The following KLHL20 variants were observed in gnomAD, a reference collection of about 807,000 sequenced individuals.
KLHL20 encodes the protein kelch-like protein 20.
A neutral mutation model predicts 69.5 loss-of-function variants in KLHL20; 29 were observed. The observed-to-expected ratio is 0.42, with a 90% CI of 0.31 to 0.57. The LOEUF (loss-of-function observed/expected upper bound fraction) is 0.57. Ranked by LOEUF, KLHL20 falls within the 20% of genes least tolerant of loss-of-function variation. The pLI is 0.18. For missense variants in KLHL20, 419 were observed against 776.0 expected (o/e 0.54, Z 5.47); for synonymous variants, 253 against 265.2 (o/e 0.95, Z 0.45).
At chr1:173,752,011 G>C in intron 4 of KLHL20, 89 bp downstream of exon 4, 4 of 1,238,664 alleles carry the variant, frequency 3.2e-6, no homozygotes, top group Non-Finnish European at 4.6e-6. Flanking sequence ...GCCAAGGCAG[G>C]TGGATCACAA....
chr1:173,768,020 T>C (rs1349755883), intron 8 of KLHL20, among the ~76,000 whole-genome samples: 1 of 152,224 alleles, frequency 6.6e-6, no homozygotes, highest in East Asian at 1.9e-4. Flanking sequence ...TCTATATATA[T>C]CAAGCATACC....
chr1:173,730,283 G>C (rs1025106381), intron 2 of KLHL20, among the ~76,000 whole-genome samples: 2 of 152,022 alleles, frequency 1.3e-5, no homozygotes, highest in Non-Finnish European at 2.9e-5. Context: ...TCATGAAAAT[G>C]GCCATACTGC....
rs572966413 is a variant in KLHL20 at position 173,781,764 on chromosome 1, G to T, written c.1639-360G>T. 1.1e-4 allele frequency: 20 copies of T among 175,646 alleles called. No homozygotes were observed. The South Asian group carries it at 2.4e-3, about 21-fold the overall frequency. The allele number at this position is 175,646 out of a possible 1,614,324, so 10.9% of individuals were successfully genotyped here. A position where few individuals can be genotyped will look rare whatever the true frequency, so the allele number is the denominator to read the frequency against. On this transcript the variant is annotated intron_variant, in intron 10 of 11. Coordinates refer to ENST00000209884, the MANE Select transcript of KLHL20 (RefSeq NM_014458.4). ...ATTACAGGCATGAGGTACCATGCCT[G>T]GCCTAGATTTGTATTTTTAAAAGAG...
At chr1:173,722,251 A>C (rs1423242685) in intron 2 of KLHL20, among the ~76,000 whole-genome samples, 2 of 152,028 alleles carry the variant, frequency 1.3e-5, no homozygotes, top group Non-Finnish European at 2.9e-5. Flanking sequence ...ATGCCCAGCT[A>C]GCTTTTACAT....
At chr1:173,767,181 T>C (rs145085615) in intron 8 of KLHL20, among the ~76,000 whole-genome samples, 55 of 152,342 alleles carry the variant, frequency 3.6e-4, no homozygotes, top group Middle Eastern at 6.8e-3. Context: ...CTTGTTTCAC[T>C]TAATGTCCTC....
chr1:173,750,398 C>G (rs1032523634), intron 3 of KLHL20, among the ~76,000 whole-genome samples: 1 of 152,060 alleles, frequency 6.6e-6, no homozygotes, highest in Non-Finnish European at 1.5e-5. Context: ...CAGCCTTGAC[C>G]TCCTGGGCTC....
rs181895804 is a variant in KLHL20, at chr1:173,774,144, T to G, written c.1296-161T>G. Among the ~76,000 whole-genome samples the G allele has an allele frequency of 3.1e-3, 468 of 152,364 alleles. 1 individual carries two copies. The highest frequency in any genetic ancestry group is 5.1e-3 in the Non-Finnish European group (344 of 68,028). Reference sequence around the variant, plus strand: ...TAATAGCTGGCACAGATATAAATTCTAAGACGTTTTTCTAATGACTAAGTA... The same window carrying G: ...TAATAGCTGGCACAGATATAAATTCGAAGACGTTTTTCTAATGACTAAGTA... On this transcript the variant is annotated intron_variant, in intron 8 of 11. Transcript: ENST00000209884.
intron 2 of KLHL20, among the ~76,000 whole-genome samples, chr1:173,727,878 A>G (rs1260655211): frequency 6.6e-6 from 1 of 152,214 alleles, no homozygotes; most frequent in Non-Finnish European, 1.5e-5. Context: ...TCATAATGAC[A>G]GGATCAAATC....
At chr1:173,770,031 C>G (rs1002165846) in intron 8 of KLHL20, among the ~76,000 whole-genome samples, 4 of 151,950 alleles carry the variant, frequency 2.6e-5, no homozygotes, top group Non-Finnish European at 5.9e-5. Flanking sequence ...TCTAAAAGTT[C>G]AGGAAAACTC....
intron 11 of KLHL20, among the ~76,000 whole-genome samples, chr1:173,783,665 C>T (rs972979062): frequency 1.2e-4 from 18 of 151,960 alleles, no homozygotes; most frequent in African/African-American, 2.9e-4. Context: ...GTCAGGAGTT[C>T]GAGACCAGCC....
chr1:173,762,766 ACAT>A (rs1164039775), intron 7 of KLHL20, among the ~76,000 whole-genome samples: 1 of 152,136 alleles, frequency 6.6e-6, no homozygotes, highest in Non-Finnish European at 1.5e-5. Flanking sequence ...CCCACAGCCA[ACAT>A]ACTGAATGGG....
chr1:173,744,446 A>C (rs1168239993), intron 3 of KLHL20, among the ~76,000 whole-genome samples: 2 of 151,946 alleles, frequency 1.3e-5, no homozygotes, highest in Non-Finnish European at 2.9e-5. Flanking sequence ...TTGTCTTTCA[A>C]GTTTGCTTAT....
chr1:173,774,556 AT>A, intron 9 of KLHL20, 118 bp downstream of exon 9: 1 of 1,135,158 alleles, frequency 8.8e-7, no homozygotes. Flanking sequence ...AAAATGCCTG[AT>A]TTTTCCCTCC....
intron 2 of KLHL20, among the ~76,000 whole-genome samples, chr1:173,726,821 A>C (rs1281378725): frequency 6.6e-6 from 1 of 152,218 alleles, no homozygotes; most frequent in African/African-American, 2.4e-5. Context: ...GAAAACTGAA[A>C]ATTCTAAAAA....
intron 2 of KLHL20, among the ~76,000 whole-genome samples, chr1:173,728,948 TTGAAAA>T (rs1464724945): frequency 1.3e-5 from 2 of 152,124 alleles, no homozygotes; most frequent in African/African-American, 4.8e-5. Flanking sequence ...AGCTGGTTTT[TTGAAAA>T]GATCAACAAA....
chr1:173,757,017 C>G lies in KLHL20; in HGVS notation c.1009C>G (p.Arg337Gly). 6.2e-7 allele frequency: 1 copy of G among 1,614,042 alleles called. No individual in the cohort carries two copies. Among genetic ancestry groups the G allele is most frequent in the Non-Finnish European group, 8.5e-7 (1 of 1,179,980 alleles). The change falls in exon 7 of 12, where the codon CGA (arginine) becomes GGA (glycine). Residue 337 changes from arginine (R) to glycine (G), a missense_variant. Transcript: ENST00000209884. ...TGGAGATGCCATTTCCAGTGTTGAACGATATGATCCACAGACCAATGAATG... is the reference window on the plus strand; with the variant it reads ...TGGAGATGCCATTTCCAGTGTTGAAGGATATGATCCACAGACCAATGAATG... ...CSGDAISSVE[R>G]YDPQTNEWRM...
Position 173,735,199 on chromosome 1 carries a change from A to G in KLHL20, c.597+913A>G, listed in dbSNP as rs185071656. 8.0e-3 allele frequency among the ~76,000 whole-genome samples: 1,215 copies of G among 152,304 alleles called. 3 individuals are homozygous for G. The highest frequency in any genetic ancestry group is 0.012 in the Non-Finnish European group (785 of 68,020). The stretch of plus-strand genomic sequence containing the variant: ...AGTGGCACATGCCTGTGATCCCAGC[A>G]CTTTGGGAGGCTGAGGCGGGCAGAT... On this transcript the variant is annotated intron_variant, in intron 3 of 11. Coordinates refer to ENST00000209884, the MANE Select transcript of KLHL20 (RefSeq NM_014458.4).
Position 173,733,802 on chromosome 1 carries a change from C to T in KLHL20, c.113C>T (p.Pro38Leu). 1 of 1,614,100 alleles carries T rather than the reference C, an allele frequency of 6.2e-7. No homozygotes were observed. The highest frequency in any genetic ancestry group is 8.5e-7 in the Non-Finnish European group (1 of 1,180,012). ...CCCAACAAACTGCCAGAAGGGGTTC[C>T]CCAACCTGCCCGCATGCCCTATATC... ...GDPNKLPEGV[P>L]QPARMPYISD... is the part of the protein sequence containing the mutation. The change falls in exon 3 of 12, where the codon CCC (proline) becomes CTC (leucine). Residue 38 changes from proline (P) to leucine (L), a missense_variant. Pro to Leu is a moderately conservative substitution (Grantham distance 98). This residue lies in a region of KLHL20 where 129 missense variants were observed against 183.6 expected (regional missense o/e 0.70). Coordinates refer to ENST00000209884, the MANE Select transcript of KLHL20 (RefSeq NM_014458.4).
rs146887323 is a variant in KLHL20 at position 173,748,967 on chromosome 1, A to C, written c.598-2797A>C. Reference sequence around the variant, plus strand: ...ATATCTGAAGAATATTCTTGATAGTAGAGAAAGTTCTGAAATCCCTTCTAG... The same window carrying C: ...ATATCTGAAGAATATTCTTGATAGTCGAGAAAGTTCTGAAATCCCTTCTAG... On this transcript the variant is annotated intron_variant, in intron 3 of 11. Transcript: ENST00000209884. 6.6e-4 allele frequency among the ~76,000 whole-genome samples: 100 copies of C among 152,284 alleles called. 1 individual carries two copies. The highest frequency in any genetic ancestry group is 2.2e-3 in the African/African-American group (91 of 41,580).
Sources: gnomAD v4.1 joint callset for allele counts (sites outside exome capture counted in the v4.1 genomes callset) on GRCh38, gnomAD v4.1.1 for gene constraint, gnomAD v4.1.1 regional missense constraint, MANE v1.5 for transcripts, NCBI Gene and HGNC (gene_info 2026-07-23, HGNC 2026-07-21) for gene names.